CPSF1: variants seen among roughly 807,000 people sequenced by gnomAD.
CPSF1 encodes cleavage and polyadenylation specific factor 1, also known as cleavage and polyadenylation specificity factor subunit 1.
CPSF1 carries 106 observed loss-of-function variants against 175.8 expected under a neutral mutation model. The observed-to-expected ratio is 0.60, with a 90% CI of 0.52 to 0.71. The LOEUF (loss-of-function observed/expected upper bound fraction) is 0.71, where lower values mean the gene tolerates loss of function less well. CPSF1 is among the 30% of genes least tolerant of loss of function. The pLI, the probability that CPSF1 is intolerant of heterozygous loss-of-function variation, is 0.00. For missense variants in CPSF1, 1,734 were observed against 2,022.9 expected, an observed-to-expected ratio of 0.86 and a Z score of 2.74; for synonymous variants, 1,024 against 858.3, an observed-to-expected ratio of 1.19 and a Z score of -3.37.
chr8:144,405,289 G>A (rs1160626350), intron 2 of CPSF1, among the ~76,000 whole-genome samples: 1 of 152,136 alleles, frequency 6.6e-6, no homozygotes, highest in Non-Finnish European at 1.5e-5. Context: ...CCTCTTCTGT[G>A]GTGTTCCTGT....
Position 144,396,938 on chromosome 8 carries a change from A to C in CPSF1, c.2593-9T>G. 6.2e-7 allele frequency: 1 copy of C among 1,603,960 alleles called. No individual in the cohort carries two copies. The highest frequency in any genetic ancestry group is 8.5e-7 in the Non-Finnish European group (1 of 1,172,098). On this transcript the variant is annotated splice_polypyrimidine_tract_variant and intron_variant, in intron 23 of 37. Coordinates refer to ENST00000616140, the MANE Select transcript of CPSF1 (RefSeq NM_013291.3). Reference sequence around the variant, plus strand: ...TCTTGGTCCACATGCACCTGGCAGGATGAGGGGAGCCATGGGGGAACGGGC... The same window carrying C: ...TCTTGGTCCACATGCACCTGGCAGGCTGAGGGGAGCCATGGGGGAACGGGC...
At chr8:144,398,693 C>A (rs539405002) in intron 17 of CPSF1, 55 bp from the exon 18 acceptor site, 32 of 1,604,702 alleles carry the variant, frequency 2.0e-5, no homozygotes, top group Non-Finnish European at 2.7e-5. Flanking sequence ...AAGGCAGGCA[C>A]GCAGGTGCGA....
At position 144,394,754 on chromosome 8, in the gene CPSF1, G is replaced by A. The variant is rs1214152437; in HGVS notation, c.3457C>T (p.Gln1153Ter). The change falls in exon 31 of 38, where the codon CAG becomes TAG. Residue 1153 changes from glutamine to a stop codon, truncating the protein, a stop_gained. Coordinates refer to ENST00000616140, the MANE Select transcript of CPSF1 (RefSeq NM_013291.3). LOFTEE classifies it high-confidence loss of function. ...DVIEVVPEPG[Q>*]PLTKNKFKVL... ...TTGAACTTGTTCTTGGTCAAGGGCT[G>A]GCCAGGCTCGGGCACCACCTCAATC... The A allele has an allele frequency of 1.9e-6, 3 of 1,613,540 alleles. No individual in the cohort carries two copies. The highest frequency in any genetic ancestry group is 2.5e-6 in the Non-Finnish European group (3 of 1,179,986).
At chr8:144,402,118 G>A (rs2116888983) in intron 2 of CPSF1, among the ~76,000 whole-genome samples, 1 of 152,010 alleles carries the variant, frequency 6.6e-6, no homozygotes, top group Non-Finnish European at 1.5e-5. Context: ...AGAAGAGGAA[G>A]CCCTGCGCTA....
intron 9 of CPSF1, 22 bp downstream of exon 9, chr8:144,400,144 G>GCCCCCCCCCCCCCCCCCCCCC: frequency 1.9e-6 from 2 of 1,066,928 alleles, no homozygotes; most frequent in Non-Finnish European, 2.5e-6. Flanking sequence ...GGCCCCCCCC[G>GCCCCCCCCCCCCCCCCCCCCC]CCCCAGCCAC....
In CPSF1 at chr8:144,397,275, C is replaced by A; in HGVS notation, c.2524G>T (p.Glu842Ter). ...AGCACCTCCTTGACGAGGGGCAGCT[C>A]CCCCTGGCGCGTGGCCTCCTCCCTG... ...ARREEATRQG[E>*]LPLVKEVLLV... The change falls in exon 23 of 38, where the codon GAG (glutamate) becomes TAG (stop). Residue 842 changes from glutamate to a stop codon, truncating the protein, a stop_gained. Transcript: ENST00000616140. LOFTEE classifies it high-confidence loss of function. The A allele has an allele frequency of 6.5e-7, 1 of 1,549,376 alleles. No homozygotes were observed. Among genetic ancestry groups the A allele is most frequent in the Non-Finnish European group, 8.7e-7 (1 of 1,147,022 alleles).
chr8:144,401,518 G>A lies in CPSF1; in HGVS notation c.218C>T (p.Ser73Phe), dbSNP rs2116885257. 8.1e-6 allele frequency: 13 copies of A among 1,613,900 alleles called. No homozygotes were observed. Among genetic ancestry groups the A allele is most frequent in the Admixed American group, 3.3e-5 (2 of 59,996 alleles). The change falls in exon 4 of 38, where the codon TCC becomes TTC. Residue 73 changes from serine to phenylalanine, a missense_variant. By Grantham distance (155) the Ser-to-Phe change is radical (BLOSUM62 -2). Transcript: ENST00000616140. Reference protein sequence around the residue: ...REKLELAASFSFFGNVMSMAS... With the variant: ...REKLELAASFFFFGNVMSMAS... Reference sequence around the variant, plus strand: ...CATGGACATGACGTTGCCAAAGAAGGAGAAGGAGGCAGCAAGCTCGAGCTT... The same window carrying A: ...CATGGACATGACGTTGCCAAAGAAGAAGAAGGAGGCAGCAAGCTCGAGCTT...
chr8:144,398,421 AT>A lies in CPSF1; in HGVS notation c.1774del (p.Ile592SerfsTer41). 1 of 1,613,794 alleles carries A rather than the reference AT, an allele frequency of 6.2e-7. No individual in the cohort carries two copies. Among genetic ancestry groups the A allele is most frequent in the Non-Finnish European group, 8.5e-7 (1 of 1,179,976 alleles). ...STMILQTGQEIMELDTSGFAT... is the reference protein window; with the variant it reads ...STMILQTGQEXMELDTSGFAT... ...GAAGCCACTGGTGTCCAGCTCCATGATCTCCTGCCCCGTCTGCAGGATCTGC... is the reference window on the plus strand; with the variant it reads ...GAAGCCACTGGTGTCCAGCTCCATGACTCCTGCCCCGTCTGCAGGATCTGC... On this transcript the variant is annotated frameshift_variant, in exon 19 of 38. Coordinates refer to ENST00000616140, the MANE Select transcript of CPSF1 (RefSeq NM_013291.3). LOFTEE classifies it high-confidence loss of function.
chr8:144,399,067 G>GCCC lies in CPSF1; in HGVS notation c.1468-32_1468-30dup. 6.5e-7 allele frequency: 1 copy of GCCC among 1,549,992 alleles called. No homozygotes were observed. The highest frequency in any genetic ancestry group is 8.7e-7 in the Non-Finnish European group (1 of 1,145,706). ...CACAGGACTCGGGGGTGAGGACTAT[G>GCCC]CCCCCCACCCCCCCTCACACTCCAG... is the stretch of plus-strand genomic sequence containing the variant. On this transcript the variant is annotated intron_variant, in intron 15 of 37. Coordinates refer to ENST00000616140, the MANE Select transcript of CPSF1 (RefSeq NM_013291.3). The surrounding 1 kb of genome is among the most constrained non-coding windows in gnomAD (Gnocchi z 6.4).
Position 144,399,919 on chromosome 8 carries a change from A to AG in CPSF1, c.1032-52dup, listed in dbSNP as rs1462474961. Reference sequence around the variant, plus strand: ...GGGGATGGGGACCCTGGGGGAGTGAAGGGGGCCAGGGGACCCTACAGGACT... The same window carrying AG: ...GGGGATGGGGACCCTGGGGGAGTGAAGGGGGGCCAGGGGACCCTACAGGACT... On this transcript the variant is annotated intron_variant, in intron 10 of 37. Coordinates refer to ENST00000616140, the MANE Select transcript of CPSF1 (RefSeq NM_013291.3). This position sits in a 1 kb window ranked among gnomAD's most constrained non-coding sequence, Gnocchi z 6.4. The AG allele has an allele frequency of 7.7e-7, 1 of 1,295,940 alleles. No homozygotes were observed. Among genetic ancestry groups the AG allele is most frequent in the African/African-American group, 2.6e-5 (1 of 38,444 alleles). The allele number at this position is 1,295,940 out of a possible 1,614,324, so 80.3% of individuals were successfully genotyped here. A position where few individuals can be genotyped will look rare whatever the true frequency, so the allele number is the denominator to read the frequency against.
Position 144,397,297 on chromosome 8 carries a change from C to A in CPSF1, c.2502G>T (p.Arg834Ser). The change falls in exon 23 of 38, where the codon AGG becomes AGT. Residue 834 changes from arginine to serine, a missense_variant. This residue lies in a region of CPSF1 where 585 missense variants were observed against 584.7 expected (regional missense o/e 1.00). Coordinates refer to ENST00000616140, the MANE Select transcript of CPSF1 (RefSeq NM_013291.3). ...GQPTTQGEARREEATRQGELP... is the reference protein window; with the variant it reads ...GQPTTQGEARSEEATRQGELP... ...GCTCCCCCTGGCGCGTGGCCTCCTC[C>A]CTGCGGGCCTCGCCCTGTGTAGTGG... is the stretch of plus-strand genomic sequence containing the variant. The A allele has an allele frequency of 6.4e-7, 1 of 1,550,940 alleles. No individual in the cohort carries two copies. Among genetic ancestry groups the A allele is most frequent in the East Asian group, 2.4e-5 (1 of 41,078 alleles).
rs571420829 is a variant in CPSF1, at chr8:144,396,415, G to A, written c.2912C>T (p.Pro971Leu). The change falls in exon 26 of 38, where the codon CCG (proline) becomes CTG (leucine). Residue 971 changes from proline to leucine, a missense_variant. Physicochemically the swap from Pro to Leu is moderately conservative, Grantham distance 98. Coordinates refer to ENST00000616140, the MANE Select transcript of CPSF1 (RefSeq NM_013291.3). ...GTGGAATGGAGCGAAAGAGTCGACCGGGCCGTCGATGGCCATGGGGTGTAG... is the reference window on the plus strand; with the variant it reads ...GTGGAATGGAGCGAAAGAGTCGACCAGGCCGTCGATGGCCATGGGGTGTAG... ...LRLHPMAIDG[P>L]VDSFAPFHNV... 46 of 1,591,702 alleles carry A rather than the reference G, an allele frequency of 2.9e-5. No individual in the cohort carries two copies. Among genetic ancestry groups the A allele is most frequent in the African/African-American group, 1.1e-4 (8 of 74,836 alleles).
intron 2 of CPSF1, among the ~76,000 whole-genome samples, chr8:144,407,207 C>T (rs1015817142): frequency 6.6e-6 from 1 of 150,562 alleles, no homozygotes; most frequent in Non-Finnish European, 1.5e-5. Context: ...TGTGAGCCAA[C>T]GTGCCTGGCC....
chr8:144,395,959 T>C, intron 26 of CPSF1: 1 of 386,978 alleles, frequency 2.6e-6, no homozygotes, highest in Admixed American at 4.1e-5. Flanking sequence ...TCAAGTGACC[T>C]GGTGGTGTGG....
In CPSF1 at chr8:144,394,529, G is replaced by C. The variant is rs543962740; in HGVS notation, c.3594C>G (p.Ser1198Arg). 6 of 1,609,620 alleles carry C rather than the reference G, an allele frequency of 3.7e-6. No homozygotes were observed. Among genetic ancestry groups the C allele is most frequent in the Non-Finnish European group, 5.1e-6 (6 of 1,178,614 alleles). Residue 1198 changes from serine (S) to arginine (R), a missense_variant, in exon 32 of 38, where the codon AGC becomes AGG. By Grantham distance (110) the Ser-to-Arg change is moderately radical. Around this residue, in one of 10 missense-constraint regions of CPSF1, gnomAD observed 62 missense variants for 124.5 expected, o/e 0.50. Coordinates refer to ENST00000616140, the MANE Select transcript of CPSF1 (RefSeq NM_013291.3). ...CGATGAAGGCCATGCCCGTCAGCTC[G>C]CTGGCCCGCAGGCTCCACAGGAAAA... The part of the protein sequence containing the change: ...QKIFLWSLRA[S>R]ELTGMAFIDT...
chr8:144,400,141 C>G (rs2116871968), intron 9 of CPSF1, 25 bp downstream of exon 9: 2 of 1,254,216 alleles, frequency 1.6e-6, no homozygotes, highest in Non-Finnish European at 2.2e-6. Flanking sequence ...CCGGGCCCCC[C>G]CCGCCCCAGC....
intron 1 of CPSF1, 37 bp downstream of exon 1, chr8:144,409,252 T>C (rs1313718238): frequency 8.4e-7 from 1 of 1,186,344 alleles, no homozygotes; most frequent in Non-Finnish European, 1.1e-6. Context: ...CTCCCCGGCC[T>C]CGCGCTGCCG....
intron 37 of CPSF1, 36 bp from the exon 38 acceptor site, chr8:144,393,401 G>A (rs782314261): frequency 6.9e-7 from 1 of 1,454,304 alleles, no homozygotes; most frequent in Non-Finnish European, 9.3e-7. Context: ...GTGGGTGGGT[G>A]GGGATGCACA....
Position 144,396,743 on chromosome 8 carries a change from TG to T in CPSF1, c.2683-3del, listed in dbSNP as rs782176337. 4 of 1,613,760 alleles carry T rather than the reference TG, an allele frequency of 2.5e-6. No homozygotes were observed. Among genetic ancestry groups the T allele is most frequent in the Admixed American group, 3.3e-5 (2 of 59,988 alleles). On this transcript the variant is annotated splice_polypyrimidine_tract_variant and splice_region_variant and intron_variant, in intron 24 of 37. Transcript: ENST00000616140. ...ACGGAAGTTGATGTTGTGAGGGACC[TG>T]GGGGGGAACCATGCAGGTCCTCCAG...
Sources: allele counts gnomAD v4.1 joint callset (sites outside exome capture counted in the v4.1 genomes callset), GRCh38; gene constraint gnomAD v4.1.1; regional missense constraint gnomAD v4.1.1; non-coding constraint Gnocchi (gnomAD v3.1); transcripts MANE v1.5; gene names NCBI Gene and HGNC (gene_info 2026-07-23, HGNC 2026-07-21).